Variants in TMEM132B observed in about 807,000 individuals in gnomAD.
TMEM132B encodes transmembrane protein 132B.
In TMEM132B, 18 loss-of-function variants were observed where a neutral mutation model predicts 90.8. The observed-to-expected ratio is 0.20, with a 90% CI of 0.14 to 0.29. The LOEUF (loss-of-function observed/expected upper bound fraction) is 0.29, where lower values mean the gene tolerates loss of function less well. Ranked by LOEUF, TMEM132B falls within the 10% of genes least tolerant of loss-of-function variation. TMEM132B has a pLI of 1.00. For missense variants in TMEM132B, 1,096 were observed against 1,326.8 expected (o/e 0.83, Z 2.70); for synonymous variants, 504 against 523.3 (o/e 0.96, Z 0.50).
At chr12:125,325,097 A>G (rs747640763) in intron 1 of TMEM132B, among the ~76,000 whole-genome samples, 4 of 152,158 alleles carry the variant, frequency 2.6e-5, no homozygotes, top group Non-Finnish European at 5.9e-5. Flanking sequence ...CACCAGTTCC[A>G]TTGTGTTTAC....
chr12:125,350,205 A>G lies in TMEM132B; in HGVS notation c.821A>G (p.Asp274Gly). ...IGSVVVYPTQ[D>G]DLKWSLVSLD... is the part of the protein sequence containing the mutation. Reference sequence around the variant, plus strand: ...AGTGTGGTGGTCTACCCAACCCAAGATGATCTGAAGTGGTCCCTGGTGAGC... The same window carrying G: ...AGTGTGGTGGTCTACCCAACCCAAGGTGATCTGAAGTGGTCCCTGGTGAGC... Residue 274 changes from aspartate (D) to glycine (G), a missense_variant, in exon 2 of 9, where the codon GAT becomes GGT. Transcript: ENST00000682704. 6.2e-7 allele frequency: 1 copy of G among 1,614,118 alleles called. No individual in the cohort carries two copies. Among genetic ancestry groups the G allele is most frequent in the South Asian group, 1.1e-5 (1 of 91,068 alleles).
At chr12:125,425,610 CCTT>C (rs1217671802) in intron 3 of TMEM132B, among the ~76,000 whole-genome samples, 16 of 152,340 alleles carry the variant, frequency 1.1e-4, no homozygotes, top group South Asian at 6.2e-4. Flanking sequence ...CCCTCTCCCT[CCTT>C]CTCCCTGAAC....
chr12:125,255,887 T>C (rs548447912), intron 1 of TMEM132B, among the ~76,000 whole-genome samples: 1 of 152,312 alleles, frequency 6.6e-6, no homozygotes, highest in Non-Finnish European at 1.5e-5. Flanking sequence ...TTAATGAAAC[T>C]GGTATCTGAT....
At position 125,246,423 on chromosome 12, in the gene TMEM132B, C is replaced by T. The variant is rs1186427853; in HGVS notation, c.67+59557C>T. Reference sequence around the variant, plus strand: ...AGTCAGCTTCCTGGGCTGCGTCTCTCATCTTGTTTATTAACATGCTGTCCC... The same window carrying T: ...AGTCAGCTTCCTGGGCTGCGTCTCTTATCTTGTTTATTAACATGCTGTCCC... On this transcript the variant is annotated intron_variant, in intron 1 of 8. Coordinates refer to ENST00000682704, the MANE Select transcript of TMEM132B (RefSeq NM_001366854.1). The surrounding 1 kb of genome is among the most constrained non-coding windows in gnomAD (Gnocchi z 4.2). Among the ~76,000 whole-genome samples, 1 of 152,226 alleles carries T rather than the reference C, an allele frequency of 6.6e-6. No homozygotes were observed. Among genetic ancestry groups the T allele is most frequent in the East Asian group, 1.9e-4 (1 of 5,196 alleles).
chr12:125,232,916 AT>A (rs151171964), intron 1 of TMEM132B, among the ~76,000 whole-genome samples: 328 of 152,082 alleles, frequency 2.2e-3, no homozygotes, highest in African/African-American at 7.5e-3. Context: ...TGGGAAAATC[AT>A]TTTTTTTCCC....
intron 1 of TMEM132B, among the ~76,000 whole-genome samples, chr12:125,315,564 TAACTC>T (rs1466692212): frequency 6.6e-6 from 1 of 152,314 alleles, no homozygotes; most frequent in East Asian, 1.9e-4. Flanking sequence ...GTATGTATCT[TAACTC>T]AAGCAATCCT....
intron 4 of TMEM132B, among the ~76,000 whole-genome samples, chr12:125,560,926 AGT>A (rs1884510353): frequency 6.7e-6 from 1 of 148,430 alleles, no homozygotes; most frequent in Non-Finnish European, 1.5e-5. Flanking sequence ...TGTTGGTGAG[AGT>A]GTAGATTAGT....
chr12:125,455,254 G>A (rs10846894), intron 3 of TMEM132B, among the ~76,000 whole-genome samples: 4,939 of 152,122 alleles, frequency 0.032, 150 homozygotes, highest in Admixed American at 0.099. Context: ...GGAGAAGAAT[G>A]CAGGAAACCG....
chr12:125,509,014 C>T (rs181426554), intron 3 of TMEM132B, among the ~76,000 whole-genome samples: 5 of 151,990 alleles, frequency 3.3e-5, no homozygotes, highest in African/African-American at 9.6e-5. Context: ...GAACTCCTGG[C>T]CTTAAGTGAC....
intron 4 of TMEM132B, among the ~76,000 whole-genome samples, chr12:125,524,313 G>A (rs986836489): frequency 2.6e-5 from 4 of 152,238 alleles, no homozygotes; most frequent in African/African-American, 9.6e-5. Flanking sequence ...TTCAGCTGGC[G>A]TGTGGGATTA....
At chr12:125,378,800 G>C (rs1408380129) in intron 2 of TMEM132B, among the ~76,000 whole-genome samples, 5 of 152,172 alleles carry the variant, frequency 3.3e-5, no homozygotes, top group African/African-American at 1.2e-4. Context: ...AAGGTGAAAG[G>C]GGCAAGTTGA....
chr12:125,480,496 C>A (rs1256749923), intron 3 of TMEM132B, among the ~76,000 whole-genome samples: 2 of 152,174 alleles, frequency 1.3e-5, no homozygotes, highest in Non-Finnish European at 2.9e-5. Context: ...CGCAAATAAA[C>A]TAGAAAATCT....
intron 4 of TMEM132B, among the ~76,000 whole-genome samples, chr12:125,539,534 T>C (rs1883900217): frequency 6.6e-6 from 1 of 152,206 alleles, no homozygotes; most frequent in Admixed American, 6.5e-5. Flanking sequence ...TTTGGCAACT[T>C]ATTAGCTCTC....
At chr12:125,409,137 C>T (rs928299939) in intron 2 of TMEM132B, among the ~76,000 whole-genome samples, 1 of 152,106 alleles carries the variant, frequency 6.6e-6, no homozygotes, top group Non-Finnish European at 1.5e-5. Flanking sequence ...AAGCCTGCTG[C>T]CTTTACTGCA....
At chr12:125,352,565 G>A (rs1877624958) in intron 2 of TMEM132B, among the ~76,000 whole-genome samples, 1 of 152,202 alleles carries the variant, frequency 6.6e-6, no homozygotes, top group Non-Finnish European at 1.5e-5. Flanking sequence ...TATCTCCTGG[G>A]GTGGTGGTAA....
chr12:125,199,268 A>G lies in TMEM132B; in HGVS notation c.67+12402A>G, dbSNP rs1047124730. Among the ~76,000 whole-genome samples, 3 of 152,254 alleles carry G rather than the reference A, an allele frequency of 2.0e-5. No homozygotes were observed. In the South Asian group the frequency reaches 6.2e-4, roughly 32 times the overall value. ...TAACCTTACTGACCTCAATGAGGGA[A>G]TGAAGGGGTGATGCTTGCAGGGCTG... On this transcript the variant is annotated intron_variant, in intron 1 of 8. Transcript: ENST00000682704.
chr12:125,528,173 T>G (rs928712901), intron 4 of TMEM132B, among the ~76,000 whole-genome samples: 1 of 152,098 alleles, frequency 6.6e-6, no homozygotes, highest in African/African-American at 2.4e-5. Context: ...AAATTTGCCT[T>G]TTTCCTTCAA....
rs1386773262 is a variant in TMEM132B at position 125,658,625 on chromosome 12, T to C, written c.*3915T>C. 1 of 152,240 alleles carries C rather than the reference T, an allele frequency of 6.6e-6. No homozygotes were observed. The highest frequency in any genetic ancestry group is 1.5e-5 in the Non-Finnish European group (1 of 68,054). The allele number at this position is 152,240 out of a possible 1,614,324, so 9.4% of individuals were successfully genotyped here. A position where few individuals can be genotyped will look rare whatever the true frequency, so the allele number is the denominator to read the frequency against. On this transcript the variant is annotated 3_prime_UTR_variant, in exon 9 of 9. Coordinates refer to ENST00000682704, the MANE Select transcript of TMEM132B (RefSeq NM_001366854.1). Reference sequence around the variant, plus strand: ...CTGTCATGTAAAGGGACGGTATGGATGGTGGAAAAGTTATGCTAAAATATG... The same window carrying C: ...CTGTCATGTAAAGGGACGGTATGGACGGTGGAAAAGTTATGCTAAAATATG...
At position 125,202,570 on chromosome 12, in the gene TMEM132B, C is replaced by G. The variant is rs71458898; in HGVS notation, c.67+15704C>G. Among the ~76,000 whole-genome samples the G allele has an allele frequency of 5.3e-5, 8 of 152,362 alleles. No homozygotes were observed. The South Asian group carries it at 6.2e-4, about 12-fold the overall frequency. On this transcript the variant is annotated intron_variant, in intron 1 of 8. Coordinates refer to ENST00000682704, the MANE Select transcript of TMEM132B (RefSeq NM_001366854.1). The stretch of plus-strand genomic sequence containing the variant: ...TGCTGACAGTTGGCCAGAGGCTGCT[C>G]TCAGTTCCTGTCCCTGGGGCCCTCT...
Sources: gnomAD v4.1 joint callset for allele counts (sites outside exome capture counted in the v4.1 genomes callset) on GRCh38, gnomAD v4.1.1 for gene constraint, Gnocchi (gnomAD v3.1) non-coding constraint, MANE v1.5 for transcripts, NCBI Gene and HGNC (gene_info 2026-07-23, HGNC 2026-07-21) for gene names.